Variants in PPARA observed in about 807,000 individuals in gnomAD.
The protein encoded by PPARA is peroxisome proliferator activated receptor alpha.
In PPARA, 22 loss-of-function variants were observed where a neutral mutation model predicts 42.2. That is an observed-to-expected ratio of 0.52 (90% CI 0.37 to 0.74). The LOEUF (loss-of-function observed/expected upper bound fraction) is 0.74, where lower values mean the gene tolerates loss of function less well. PPARA is among the 30% of genes least tolerant of loss of function. The probability of loss-of-function intolerance (pLI) is 0.00; values close to 1 mark genes in which losing one functional copy is unlikely to be tolerated. For synonymous variants in PPARA, 242 were observed against 239.3 expected, an observed-to-expected ratio of 1.01 and a Z score of -0.10; for missense variants, 465 against 608.2, an observed-to-expected ratio of 0.76 and a Z score of 2.48.
At chr22:46,186,512 A>T (rs1164559445) in intron 3 of PPARA, among the ~76,000 whole-genome samples, 1 of 152,190 alleles carries the variant, frequency 6.6e-6, no homozygotes, top group African/African-American at 2.4e-5. Flanking sequence ...GGGAGGAAGG[A>T]GCAGCACCAT....
Position 46,160,726 on chromosome 22 carries a change from G to T in PPARA, c.-127+8756G>T, listed in dbSNP as rs1217319500. ...AGCAATCCTCCCTCCTCAGCCTCCTGAGCAGCTGGGACTACAGGTGCACAC... is the reference window on the plus strand; with the variant it reads ...AGCAATCCTCCCTCCTCAGCCTCCTTAGCAGCTGGGACTACAGGTGCACAC... On this transcript the variant is annotated intron_variant, in intron 2 of 8. Transcript: ENST00000407236. This position sits in a 1 kb window ranked among gnomAD's most constrained non-coding sequence, Gnocchi z 4.5. Among the ~76,000 whole-genome samples, 1 of 152,148 alleles carries T rather than the reference G, an allele frequency of 6.6e-6. No homozygotes were observed. Among genetic ancestry groups the T allele is most frequent in the Non-Finnish European group, 1.5e-5 (1 of 68,020 alleles).
rs1345298934 is a variant in PPARA at position 46,161,762 on chromosome 22, T to G, written c.-127+9792T>G. On this transcript the variant is annotated intron_variant, in intron 2 of 8. Transcript: ENST00000407236. The surrounding 1 kb of genome is among the most constrained non-coding windows in gnomAD (Gnocchi z 4.8). ...GGACCAGGTGAGCAGATGTGGACTT[T>G]CCGACTGTGTGTGTGCGACTTCCTC... is the stretch of plus-strand genomic sequence containing the variant. Among the ~76,000 whole-genome samples the G allele has an allele frequency of 6.6e-6, 1 of 152,216 alleles. No homozygotes were observed. The highest frequency in any genetic ancestry group is 1.5e-5 in the Non-Finnish European group (1 of 68,042).
chr22:46,240,338 G>A lies in PPARA; in HGVS notation c.*4958G>A. Reference sequence around the variant, plus strand: ...GGGTGTTGCTAGCCGCTGGTCCCCAGGCACGGTGCACTTTCTCCACCTCCT... The same window carrying A: ...GGGTGTTGCTAGCCGCTGGTCCCCAAGCACGGTGCACTTTCTCCACCTCCT... On this transcript the variant is annotated 3_prime_UTR_variant, in exon 9 of 9. Transcript: ENST00000407236. The surrounding 1 kb of genome is among the most constrained non-coding windows in gnomAD (Gnocchi z 6.0). 2.5e-6 allele frequency: 1 copy of A among 398,002 alleles called. No homozygotes were observed. The highest frequency in any genetic ancestry group is 4.4e-6 in the Non-Finnish European group (1 of 225,798). 24.7% of individuals were successfully genotyped at this position (398,002 alleles called of 1,614,324 possible). A position where few individuals can be genotyped will look rare whatever the true frequency, so the allele number is the denominator to read the frequency against.
Position 46,196,643 on chromosome 22 carries a change from T to C in PPARA, c.-42-1699T>C, listed in dbSNP as rs867199747. ...GGCCTCACCCCGGACACTCCACACG[T>C]GCATTCATTTCGTTGTTCACCATCT... is the stretch of plus-strand genomic sequence containing the variant. On this transcript the variant is annotated intron_variant, in intron 3 of 8. Transcript: ENST00000407236. This position sits in a 1 kb window ranked among gnomAD's most constrained non-coding sequence, Gnocchi z 5.6. 6.6e-6 allele frequency among the ~76,000 whole-genome samples: 1 copy of C among 152,180 alleles called. No homozygotes were observed. Among genetic ancestry groups the C allele is most frequent in the Non-Finnish European group, 1.5e-5 (1 of 68,022 alleles).
rs1934527866 is a variant in PPARA at position 46,216,710 on chromosome 22, C to A, written c.369+1377C>A. Among the ~76,000 whole-genome samples the A allele has an allele frequency of 6.6e-6, 1 of 152,202 alleles. No individual in the cohort carries two copies. Among genetic ancestry groups the A allele is most frequent in the Non-Finnish European group, 1.5e-5 (1 of 68,032 alleles). ...CATCTTCATCCTCCTGCTGGCTCAG[C>A]CTGCCCTAAACAGATGTGACCTGGG... is the stretch of plus-strand genomic sequence containing the variant. On this transcript the variant is annotated intron_variant, in intron 5 of 8. Transcript: ENST00000407236. The surrounding 1 kb of genome is among the most constrained non-coding windows in gnomAD (Gnocchi z 4.5).
rs1936362350 is a variant in PPARA, at chr22:46,241,213, TG to T, written c.*5836del. 6.6e-6 allele frequency: 1 copy of T among 152,202 alleles called. No individual in the cohort carries two copies. Among genetic ancestry groups the T allele is most frequent in the Admixed American group, 6.5e-5 (1 of 15,278 alleles). The allele number at this position is 152,202 out of a possible 1,614,324, so 9.4% of individuals were successfully genotyped here. A position where few individuals can be genotyped will look rare whatever the true frequency, so the allele number is the denominator to read the frequency against. On this transcript the variant is annotated 3_prime_UTR_variant, in exon 9 of 9. Transcript: ENST00000407236. The surrounding 1 kb of genome is among the most constrained non-coding windows in gnomAD (Gnocchi z 5.7). Reference sequence around the variant, plus strand: ...CCAAAGTTGAGGCCTAGGTTTTTGCTGGGATTTAGATATTTTCAGGCACCAT... The same window carrying T: ...CCAAAGTTGAGGCCTAGGTTTTTGCTGGATTTAGATATTTTCAGGCACCAT...
intron 4 of PPARA, among the ~76,000 whole-genome samples, chr22:46,201,461 G>C (rs1932834261): frequency 1.3e-5 from 2 of 152,234 alleles, no homozygotes; most frequent in South Asian, 4.1e-4. Flanking sequence ...GGTGTAGGGA[G>C]ATCATGGCCC....
At chr22:46,209,644 C>G (rs1310068429) in intron 4 of PPARA, among the ~76,000 whole-genome samples, 1 of 152,184 alleles carries the variant, frequency 6.6e-6, no homozygotes, top group African/African-American at 2.4e-5. Flanking sequence ...GTTTTCATAA[C>G]TAGAAGCATG....
intron 2 of PPARA, among the ~76,000 whole-genome samples, chr22:46,159,621 T>C (rs767351042): frequency 2.0e-4 from 30 of 152,182 alleles, no homozygotes; most frequent in Non-Finnish European, 3.8e-4. Context: ...CACTCAATTG[T>C]TGTAATACTC....
chr22:46,186,912 T>G (rs1259612219), intron 3 of PPARA, among the ~76,000 whole-genome samples: 1 of 152,152 alleles, frequency 6.6e-6, no homozygotes, highest in Non-Finnish European at 1.5e-5. Flanking sequence ...TTAGGCACAG[T>G]AGGAGACTAA....
chr22:46,201,682 G>A (rs896957842), intron 4 of PPARA, among the ~76,000 whole-genome samples: 1 of 152,086 alleles, frequency 6.6e-6, no homozygotes, highest in East Asian at 1.9e-4. Flanking sequence ...TTGTGAGGTC[G>A]TTGTTATGTT....
intron 2 of PPARA, among the ~76,000 whole-genome samples, chr22:46,154,302 T>C (rs534967316): frequency 6.6e-6 from 1 of 152,354 alleles, no homozygotes; most frequent in South Asian, 2.1e-4. Flanking sequence ...CATGCTGTTT[T>C]GGAGAGTCTG....
intron 3 of PPARA, among the ~76,000 whole-genome samples, chr22:46,194,098 G>T (rs1387846022): frequency 6.6e-6 from 1 of 152,222 alleles, no homozygotes; most frequent in East Asian, 1.9e-4. Context: ...GGGTGGGGCA[G>T]GTGCCCGTTT....
Position 46,192,045 on chromosome 22 carries a change from C to G in PPARA, c.-42-6297C>G, listed in dbSNP as rs1931636796. On this transcript the variant is annotated intron_variant, in intron 3 of 8. Coordinates refer to ENST00000407236, the MANE Select transcript of PPARA (RefSeq NM_005036.6). This position sits in a 1 kb window ranked among gnomAD's most constrained non-coding sequence, Gnocchi z 4.3. ...ACGCCACTGTACTCCAGCCTGGTGA[C>G]AGAGTGAGACTCCATCTCAAAAAAA... Among the ~76,000 whole-genome samples the G allele has an allele frequency of 6.6e-6, 1 of 152,150 alleles. No individual in the cohort carries two copies. The highest frequency in any genetic ancestry group is 1.5e-5 in the Non-Finnish European group (1 of 68,022).
chr22:46,167,137 T>C lies in PPARA; in HGVS notation c.-126-9616T>C, dbSNP rs1441173822. ...CCAAGTCATTTAAGTGGGGAAAAGA[T>C]AATCTTTTCAACAAATGATACCGGA... On this transcript the variant is annotated intron_variant, in intron 2 of 8. Transcript: ENST00000407236. This position sits in a 1 kb window ranked among gnomAD's most constrained non-coding sequence, Gnocchi z 4.1. Among the ~76,000 whole-genome samples the C allele has an allele frequency of 6.6e-6, 1 of 152,090 alleles. No homozygotes were observed. The highest frequency in any genetic ancestry group is 1.9e-4 in the East Asian group (1 of 5,204).
At position 46,227,843 on chromosome 22, in the gene PPARA, A is replaced by G. The variant is rs1431651981; in HGVS notation, c.712-3949A>G. Among the ~76,000 whole-genome samples, 1 of 152,274 alleles carries G rather than the reference A, an allele frequency of 6.6e-6. No individual in the cohort carries two copies. The highest frequency in any genetic ancestry group is 1.5e-5 in the Non-Finnish European group (1 of 68,050). ...TAAAAGGCATATTCCAAAGTTAAAT[A>G]TAAGCTGCTGCATAGATTTTTTTGT... On this transcript the variant is annotated intron_variant, in intron 7 of 8. Coordinates refer to ENST00000407236, the MANE Select transcript of PPARA (RefSeq NM_005036.6). This position sits in a 1 kb window ranked among gnomAD's most constrained non-coding sequence, Gnocchi z 4.3.
rs2147140242 is a variant in PPARA, at chr22:46,163,182, T to C, written c.-127+11212T>C. On this transcript the variant is annotated intron_variant, in intron 2 of 8. Transcript: ENST00000407236. The surrounding 1 kb of genome is among the most constrained non-coding windows in gnomAD (Gnocchi z 4.9). The stretch of plus-strand genomic sequence containing the variant: ...ATGTGCGGCTCCAGATGTCGTTGTC[T>C]TTAAACTTCGGAATTTCCTTTCACT... 1 of 152,336 alleles carries C rather than the reference T, an allele frequency of 6.6e-6. No homozygotes were observed. Among genetic ancestry groups the C allele is most frequent in the Non-Finnish European group, 1.5e-5 (1 of 68,030 alleles). 9.4% of individuals were successfully genotyped at this position (152,336 alleles called of 1,614,324 possible). A position where few individuals can be genotyped will look rare whatever the true frequency, so the allele number is the denominator to read the frequency against.
chr22:46,205,535 TATATATATATATATATA>T (rs1417063889), intron 4 of PPARA, among the ~76,000 whole-genome samples: 108 of 33,758 alleles, frequency 3.2e-3, no homozygotes, highest in African/African-American at 0.011. Context: ...TATATATATA[TATATATATATATATATA>T]TATTTTTTTT....
rs900432300 is a variant in PPARA at position 46,182,919 on chromosome 22, A to G, written c.-43+6083A>G. On this transcript the variant is annotated intron_variant, in intron 3 of 8. Transcript: ENST00000407236. This position sits in a 1 kb window ranked among gnomAD's most constrained non-coding sequence, Gnocchi z 5.2. ...GCCACCATGCCCAGCTAATTTTTCTATTTTTAGTAAAGACAGGGTTTCGCC... is the reference window on the plus strand; with the variant it reads ...GCCACCATGCCCAGCTAATTTTTCTGTTTTTAGTAAAGACAGGGTTTCGCC... Among the ~76,000 whole-genome samples, 7 of 152,058 alleles carry G rather than the reference A, an allele frequency of 4.6e-5. No individual in the cohort carries two copies. Among genetic ancestry groups the G allele is most frequent in the Admixed American group, 2.6e-4 (4 of 15,256 alleles).
Sources: allele counts gnomAD v4.1 joint callset (sites outside exome capture counted in the v4.1 genomes callset), GRCh38; gene constraint gnomAD v4.1.1; non-coding constraint Gnocchi (gnomAD v3.1); transcripts MANE v1.5; gene names NCBI Gene and HGNC (gene_info 2026-07-23, HGNC 2026-07-21).